KCNN2: variants seen among roughly 807,000 people sequenced by gnomAD.
KCNN2 encodes the protein potassium calcium-activated channel subfamily N member 2.
In KCNN2, 24 loss-of-function variants were observed where a neutral mutation model predicts 55.5. The observed-to-expected ratio is 0.43, with a 90% CI of 0.31 to 0.61. The LOEUF is 0.61. Among genes scored for constraint, KCNN2 ranks in the 20% least tolerant of loss-of-function variants. The pLI is 0.08. For missense variants in KCNN2, 754 were observed against 853.6 expected, an observed-to-expected ratio of 0.88 and a Z score of 1.45; for synonymous variants, 431 against 336.1, an observed-to-expected ratio of 1.28 and a Z score of -3.09.
At chr5:114,389,522 T>G (rs1223752323) in intron 2 of KCNN2, among the ~76,000 whole-genome samples, 1 of 152,154 alleles carries the variant, frequency 6.6e-6, no homozygotes, top group East Asian at 1.9e-4. Flanking sequence ...TTGCTTCATG[T>G]TTTATATGAG....
chr5:114,405,192 T>C (rs1254354960), intron 3 of KCNN2, among the ~76,000 whole-genome samples: 1 of 152,232 alleles, frequency 6.6e-6, no homozygotes, highest in East Asian at 1.9e-4. Flanking sequence ...TTTCTGTGCC[T>C]GATTGCTTAT....
chr5:114,205,376 T>C (rs1753747070), intron 1 of KCNN2, among the ~76,000 whole-genome samples: 1 of 152,264 alleles, frequency 6.6e-6, no homozygotes, highest in Non-Finnish European at 1.5e-5. Context: ...TTTAATATGC[T>C]GCCTAGTCAT....
At chr5:114,085,500 G>T (rs1215225628) in intron 1 of KCNN2, among the ~76,000 whole-genome samples, 1 of 151,808 alleles carries the variant, frequency 6.6e-6, no homozygotes, top group Non-Finnish European at 1.5e-5. Context: ...CTCATTGATG[G>T]TATATCAGGA....
chr5:114,383,293 G>A (rs1257495197), intron 2 of KCNN2, among the ~76,000 whole-genome samples: 1 of 152,038 alleles, frequency 6.6e-6, no homozygotes, highest in East Asian at 1.9e-4. Flanking sequence ...CATTCATGTA[G>A]TATTTGGTGA....
At chr5:114,087,300 T>G (rs1751037319) in intron 1 of KCNN2, among the ~76,000 whole-genome samples, 1 of 152,152 alleles carries the variant, frequency 6.6e-6, no homozygotes, top group Non-Finnish European at 1.5e-5. Context: ...ACTTGTCAAT[T>G]TTTGTTTTTG....
chr5:114,253,397 G>A (rs1268518764), intron 2 of KCNN2: 1 of 152,110 alleles, frequency 6.6e-6, no homozygotes, highest in African/African-American at 2.4e-5. Context: ...AAGTAAAACA[G>A]GTAAGTGAAA....
intron 1 of KCNN2, among the ~76,000 whole-genome samples, chr5:114,204,624 G>T (rs931732224): frequency 6.6e-6 from 1 of 152,052 alleles, no homozygotes; most frequent in Non-Finnish European, 1.5e-5. Flanking sequence ...GAGTATGAAA[G>T]TTCTTCATGT....
intron 3 of KCNN2, among the ~76,000 whole-genome samples, chr5:114,426,331 G>A (rs1255894950): frequency 6.6e-6 from 1 of 152,122 alleles, no homozygotes; most frequent in Non-Finnish European, 1.5e-5. Context: ...TTGCATTCCT[G>A]TCATAAATCC....
intron 2 of KCNN2, among the ~76,000 whole-genome samples, chr5:114,272,705 T>C (rs577050989): frequency 2.0e-5 from 3 of 152,266 alleles, no homozygotes; most frequent in African/African-American, 7.2e-5. Flanking sequence ...GTATTGCTGA[T>C]ATAAAGGAAA....
chr5:114,166,051 CT>C (rs112511422), intron 1 of KCNN2, among the ~76,000 whole-genome samples: 1 of 151,848 alleles, frequency 6.6e-6, no homozygotes, highest in Non-Finnish European at 1.5e-5. Flanking sequence ...TGAAACAATT[CT>C]TTTTTTTATT....
chr5:114,453,572 T>C (rs1301520594), intron 3 of KCNN2, among the ~76,000 whole-genome samples: 1 of 152,180 alleles, frequency 6.6e-6, no homozygotes, highest in Non-Finnish European at 1.5e-5. Context: ...GTCAAAGAAA[T>C]AGAAGAACAC....
intron 1 of KCNN2, among the ~76,000 whole-genome samples, chr5:114,098,993 A>G (rs1751319757): frequency 6.6e-6 from 1 of 152,194 alleles, no homozygotes; most frequent in Non-Finnish European, 1.5e-5. Context: ...TAAAATTTGT[A>G]TAACACAAAA....
intron 2 of KCNN2, among the ~76,000 whole-genome samples, chr5:114,388,899 A>G (rs1277561510): frequency 6.6e-6 from 1 of 152,178 alleles, no homozygotes; most frequent in Non-Finnish European, 1.5e-5. Flanking sequence ...CTGCATTTGA[A>G]AAGAGGATCA....
At chr5:114,089,217 T>G (rs1215892018) in intron 1 of KCNN2, among the ~76,000 whole-genome samples, 2 of 152,198 alleles carry the variant, frequency 1.3e-5, no homozygotes, top group African/African-American at 4.8e-5. Flanking sequence ...ATAGTTGAAT[T>G]TTGTTCTGGC....
intron 3 of KCNN2, among the ~76,000 whole-genome samples, chr5:114,433,289 G>A (rs529213340): frequency 2.0e-5 from 3 of 152,280 alleles, no homozygotes; most frequent in East Asian, 1.9e-4. Flanking sequence ...TGCACCAATC[G>A]ACACTGTATC....
intron 3 of KCNN2, among the ~76,000 whole-genome samples, chr5:114,414,198 G>A (rs551424255): frequency 6.6e-6 from 1 of 152,106 alleles, no homozygotes; most frequent in East Asian, 1.9e-4. Flanking sequence ...CAAGACAAAA[G>A]TGCCTTTACA....
intron 1 of KCNN2, among the ~76,000 whole-genome samples, chr5:114,082,596 C>G (rs891930723): frequency 6.6e-6 from 1 of 151,968 alleles, no homozygotes; most frequent in African/African-American, 2.4e-5. Flanking sequence ...GGATATACGT[C>G]CAAAAGAAAG....
intron 1 of KCNN2, among the ~76,000 whole-genome samples, chr5:114,191,102 A>C (rs1344433312): frequency 6.6e-6 from 1 of 152,204 alleles, no homozygotes; most frequent in African/African-American, 2.4e-5. Flanking sequence ...ATAGATGTAA[A>C]GAACTTAGAA....
At chr5:114,491,308 T>C (rs914547809) in intron 6 of KCNN2, among the ~76,000 whole-genome samples, 4 of 152,140 alleles carry the variant, frequency 2.6e-5, no homozygotes. Flanking sequence ...GTGCCACTAA[T>C]ACTATAACTT....
Sources: gnomAD v4.1 joint callset for allele counts (sites outside exome capture counted in the v4.1 genomes callset) on GRCh38, gnomAD v4.1.1 for gene constraint, MANE v1.5 for transcripts, NCBI Gene and HGNC (gene_info 2026-07-23, HGNC 2026-07-21) for gene names.